CRTC3: variants seen among roughly 807,000 people sequenced by gnomAD.
The protein encoded by CRTC3 is CREB-regulated transcription coactivator 3.
Under a neutral mutation model 74.5 loss-of-function variants are expected in CRTC3, and 26 were observed. The observed-to-expected ratio is 0.35, with a 90% CI of 0.26 to 0.48. CRTC3 has a LOEUF of 0.48. CRTC3 is among the 20% of genes least tolerant of loss of function. The probability of loss-of-function intolerance (pLI) is 0.99; values close to 1 mark genes in which losing one functional copy is unlikely to be tolerated. For synonymous variants in CRTC3, 377 were observed against 325.8 expected (o/e 1.16, Z -1.69); for missense variants, 760 against 787.3 (o/e 0.97, Z 0.41).
chr15:90,615,293 T>C (rs1451427508), intron 7 of CRTC3, among the ~76,000 whole-genome samples: 1 of 152,220 alleles, frequency 6.6e-6, no homozygotes, highest in Admixed American at 6.5e-5. Context: ...CATTGACAAA[T>C]GAGGGTCAGA....
At chr15:90,641,374 G>A (rs554415911) in intron 14 of CRTC3, 175 bp downstream of exon 14, 36 of 587,468 alleles carry the variant, frequency 6.1e-5, no homozygotes, top group Non-Finnish European at 8.5e-5. Context: ...GACACAGGGC[G>A]GTGGGCCTGG....
At chr15:90,614,320 T>C in intron 6 of CRTC3, 133 bp from the exon 7 acceptor site, 1 of 605,980 alleles carries the variant, frequency 1.7e-6, no homozygotes. Context: ...TAAATGAAAA[T>C]CAGTGTATCA....
At chr15:90,597,502 A>T (rs1447081140) in intron 3 of CRTC3, among the ~76,000 whole-genome samples, 2 of 152,224 alleles carry the variant, frequency 1.3e-5, no homozygotes, top group Non-Finnish European at 2.9e-5. Context: ...TCTTTTCATC[A>T]TAATGAGATG....
intron 11 of CRTC3, among the ~76,000 whole-genome samples, chr15:90,636,427 A>C (rs1322417932): frequency 6.8e-6 from 1 of 147,950 alleles, no homozygotes; most frequent in African/African-American, 2.5e-5. Context: ...TAAAGACTTA[A>C]ATGTTAGACC....
In CRTC3 at chr15:90,530,659, G is replaced by C. The variant is rs1025423461; in HGVS notation, c.132+456G>C. On this transcript the variant is annotated intron_variant, in intron 1 of 14. Transcript: ENST00000268184. The surrounding 1 kb of genome is among the most constrained non-coding windows in gnomAD (Gnocchi z 6.2). ...GGGCACCCCAGGGTCCCACGCGCTC[G>C]TGGGGGGAGCTCTGTGCACAAGTCC... The C allele has an allele frequency of 9.9e-5, 15 of 152,192 alleles. No homozygotes were observed. The highest frequency in any genetic ancestry group is 3.6e-4 in the African/African-American group (15 of 41,432). 9.4% of individuals were successfully genotyped at this position (152,192 alleles called of 1,614,324 possible).
chr15:90,586,780 T>C (rs1967675400), intron 2 of CRTC3, among the ~76,000 whole-genome samples: 2 of 152,232 alleles, frequency 1.3e-5, no homozygotes, highest in Admixed American at 1.3e-4. Context: ...TGTATAAAAA[T>C]ACAACTATAA....
intron 2 of CRTC3, among the ~76,000 whole-genome samples, chr15:90,572,161 C>CAA (rs56906718): frequency 1.0e-4 from 13 of 124,432 alleles, no homozygotes; most frequent in South Asian, 2.5e-4. Context: ...GATTCTTTCT[C>CAA]AAAAAAAAAA....
At chr15:90,617,177 C>A (rs535380594) in intron 7 of CRTC3, among the ~76,000 whole-genome samples, 1 of 152,220 alleles carries the variant, frequency 6.6e-6, no homozygotes, top group Admixed American at 6.5e-5. Context: ...AGGGCTCCCC[C>A]CAGTGCCCAG....
At position 90,540,121 on chromosome 15, in the gene CRTC3, G is replaced by A. The variant is rs8033595; in HGVS notation, c.215G>A (p.Ser72Asn). 828,733 of 1,607,466 alleles carry A rather than the reference G, an allele frequency of 0.52. 220,345 individuals are homozygous for A. Among genetic ancestry groups the A allele is most frequent in the Non-Finnish European group, 0.55 (647,814 of 1,175,728 alleles). The change falls in exon 2 of 15, where the codon AGT (serine) becomes AAT (asparagine). Residue 72 changes from serine to asparagine, a missense_variant. Transcript: ENST00000268184. ...CCAAATGTGAGCCAGCTGCGGAGCA[G>A]TGCGTCAGAGTTTCAGGTACCTCCA... The part of the protein sequence containing the change: ...SLPNVSQLRS[S>N]ASEFQPSFHQ...
intron 2 of CRTC3, among the ~76,000 whole-genome samples, chr15:90,575,071 T>C (rs7497204): frequency 0.63 from 95,893 of 152,030 alleles, 31,189 homozygotes; most frequent in South Asian, 0.85. Context: ...TAATGTTGGC[T>C]GGATGCAGTG....
chr15:90,582,322 G>C (rs764204233), intron 2 of CRTC3, among the ~76,000 whole-genome samples: 12 of 152,190 alleles, frequency 7.9e-5, no homozygotes, highest in Non-Finnish European at 1.8e-4. Context: ...TTCTGTGGAG[G>C]CTTGGGTGGC....
chr15:90,644,032 G>C lies in CRTC3; in HGVS notation c.*1892G>C, dbSNP rs1357445452. The C allele has an allele frequency of 4.3e-6, 1 of 231,752 alleles. No homozygotes were observed. Among genetic ancestry groups the C allele is most frequent in the African/African-American group, 2.2e-5 (1 of 45,246 alleles). The allele number at this position is 231,752 out of a possible 1,614,324, so 14.4% of individuals were successfully genotyped here. ...CTCTCATCTTTAAAATAACCCTCATGGGGTGCCCCTCCACCTTCCTCTGGA... is the reference window on the plus strand; with the variant it reads ...CTCTCATCTTTAAAATAACCCTCATCGGGTGCCCCTCCACCTTCCTCTGGA... On this transcript the variant is annotated 3_prime_UTR_variant, in exon 15 of 15. Coordinates refer to ENST00000268184, the MANE Select transcript of CRTC3 (RefSeq NM_022769.5).
intron 1 of CRTC3, among the ~76,000 whole-genome samples, chr15:90,532,980 G>A (rs528486213): frequency 1.3e-5 from 2 of 149,106 alleles, no homozygotes; most frequent in South Asian, 4.3e-4. Flanking sequence ...AGCTACTCGG[G>A]AGGCTGAGGC....
intron 9 of CRTC3, among the ~76,000 whole-genome samples, chr15:90,623,414 A>T (rs968344871): frequency 6.6e-6 from 1 of 152,096 alleles, no homozygotes; most frequent in Non-Finnish European, 1.5e-5. Context: ...TCGTGATCTC[A>T]TCCATACCCC....
At chr15:90,631,279 C>T (rs530897296) in intron 11 of CRTC3, among the ~76,000 whole-genome samples, 10 of 152,266 alleles carry the variant, frequency 6.6e-5, no homozygotes, top group African/African-American at 2.4e-4. Flanking sequence ...CTCACTCTGT[C>T]GCCCAAGCTG....
chr15:90,574,717 C>G (rs1967362574), intron 2 of CRTC3, among the ~76,000 whole-genome samples: 1 of 152,152 alleles, frequency 6.6e-6, no homozygotes, highest in African/African-American at 2.4e-5. Flanking sequence ...AGTGTTTTGT[C>G]AAACTGTTTG....
chr15:90,563,634 T>G (rs1451631778), intron 2 of CRTC3, among the ~76,000 whole-genome samples: 1 of 152,154 alleles, frequency 6.6e-6, no homozygotes, highest in Non-Finnish European at 1.5e-5. Flanking sequence ...TCAGAACTGT[T>G]AGAACCACAA....
At chr15:90,627,152 GT>G (rs1253671342) in intron 10 of CRTC3, among the ~76,000 whole-genome samples, 1 of 152,218 alleles carries the variant, frequency 6.6e-6, no homozygotes, top group African/African-American at 2.4e-5. Context: ...TCACCTGGAA[GT>G]TTTTCTAATG....
intron 1 of CRTC3, among the ~76,000 whole-genome samples, chr15:90,536,380 A>C (rs1490948268): frequency 2.6e-5 from 4 of 151,920 alleles, no homozygotes; most frequent in African/African-American, 7.3e-5. Flanking sequence ...AAAAAAAAAA[A>C]ACGAAAATTA....
Sources: allele counts gnomAD v4.1 joint callset (sites outside exome capture counted in the v4.1 genomes callset), GRCh38; gene constraint gnomAD v4.1.1; non-coding constraint Gnocchi (gnomAD v3.1); transcripts MANE v1.5; gene names NCBI Gene and HGNC (gene_info 2026-07-23, HGNC 2026-07-21).